The following AKAP19 variants were observed in gnomAD, a reference collection of about 807,000 sequenced individuals.
The protein encoded by AKAP19 is A-kinase anchoring protein 19.
At chr2:190,026,247 C>T in the AKAP19 span, among the ~76,000 whole-genome samples, 2 of 152,114 alleles carry the variant, frequency 1.3e-5, no homozygotes, top group African/African-American at 2.4e-5. Context: ...CACCAATCTG[C>T]CCCCCAGCTT....
At chr2:190,005,012 G>T in the AKAP19 span, among the ~76,000 whole-genome samples, 3 of 152,098 alleles carry the variant, frequency 2.0e-5, no homozygotes, top group East Asian at 5.8e-4. Context: ...TCTTAAAGAT[G>T]GTGTGTCCAG....
chr2:190,167,616 G>A, the AKAP19 span, among the ~76,000 whole-genome samples: 8 of 152,312 alleles, frequency 5.3e-5, no homozygotes, highest in Admixed American at 2.6e-4. Context: ...GAGGGTAAAG[G>A]CACTGGGTAA....
the AKAP19 span, among the ~76,000 whole-genome samples, chr2:190,185,411 C>T: frequency 6.6e-6 from 1 of 152,158 alleles, no homozygotes; most frequent in Admixed American, 6.5e-5. Context: ...GAATTTGGGG[C>T]TTATCTACCA....
the AKAP19 span, among the ~76,000 whole-genome samples, chr2:190,141,188 T>C: frequency 0.15 from 22,479 of 152,218 alleles, 1,854 homozygotes; most frequent in Middle Eastern, 0.19. Context: ...CATCTTCCTG[T>C]CTTCTGAGCC....
the AKAP19 span, among the ~76,000 whole-genome samples, chr2:190,076,606 T>C: frequency 7.1e-6 from 1 of 141,524 alleles, no homozygotes; most frequent in Non-Finnish European, 1.5e-5. Context: ...AAAGATATTA[T>C]TTGTATTTCA....
chr2:190,014,401 C>T, the AKAP19 span, among the ~76,000 whole-genome samples: 1 of 152,194 alleles, frequency 6.6e-6, no homozygotes, highest in South Asian at 2.1e-4. Context: ...TATAAAACCA[C>T]CAGATCTCAT....
chr2:189,988,886 A>G, the AKAP19 span, among the ~76,000 whole-genome samples: 1 of 152,250 alleles, frequency 6.6e-6, no homozygotes, highest in South Asian at 2.1e-4. Context: ...CTTTTAAGAA[A>G]ATTATTTGTA....
At chr2:190,001,232 A>AT in the AKAP19 span, among the ~76,000 whole-genome samples, 1 of 151,956 alleles carries the variant, frequency 6.6e-6, no homozygotes, top group Non-Finnish European at 1.5e-5. Flanking sequence ...TCATACTTTA[A>AT]TTTTTTCTAC....
At chr2:189,960,788 C>T in the AKAP19 span, among the ~76,000 whole-genome samples, 6 of 152,180 alleles carry the variant, frequency 3.9e-5, no homozygotes, top group African/African-American at 1.4e-4. Flanking sequence ...AGTAAGGTCC[C>T]TGACCCCACC....
the AKAP19 span, among the ~76,000 whole-genome samples, chr2:189,945,625 A>G: frequency 6.6e-6 from 1 of 152,216 alleles, no homozygotes; most frequent in East Asian, 1.9e-4. Flanking sequence ...AATAGAATGA[A>G]TTTTTTAAAA....
At chr2:189,974,738 T>C in the AKAP19 span, among the ~76,000 whole-genome samples, 1 of 152,192 alleles carries the variant, frequency 6.6e-6, no homozygotes, top group Non-Finnish European at 1.5e-5. Flanking sequence ...TATGTAATGG[T>C]GTTCTTTGTC....
the AKAP19 span, among the ~76,000 whole-genome samples, chr2:189,966,791 CA>C: frequency 6.6e-6 from 1 of 152,106 alleles, no homozygotes; most frequent in Non-Finnish European, 1.5e-5. Flanking sequence ...GTGGAACGTG[CA>C]TAGAGATATA....
the AKAP19 span, among the ~76,000 whole-genome samples, chr2:190,128,990 G>T: frequency 0.063 from 9,577 of 152,192 alleles, 333 homozygotes; most frequent in Admixed American, 0.085. Flanking sequence ...ATGATATGAC[G>T]TAAGCATATA....
chr2:189,947,772 T>C, the AKAP19 span, among the ~76,000 whole-genome samples: 1 of 152,100 alleles, frequency 6.6e-6, no homozygotes, highest in Admixed American at 6.5e-5. Flanking sequence ...TGGTGATTTC[T>C]AATTCTAACC....
At chr2:190,154,246 G>A in the AKAP19 span, among the ~76,000 whole-genome samples, 917 of 152,212 alleles carry the variant, frequency 6.0e-3, 6 homozygotes, top group African/African-American at 0.021. Flanking sequence ...TTCATCTTCC[G>A]AGTTTTCAAA....
chr2:190,081,965 A>G, the AKAP19 span, among the ~76,000 whole-genome samples: 1 of 152,126 alleles, frequency 6.6e-6, no homozygotes, highest in African/African-American at 2.4e-5. Context: ...CTAAATAGAA[A>G]CCAGCCCTTT....
the AKAP19 span, among the ~76,000 whole-genome samples, chr2:189,929,561 T>G: frequency 6.6e-6 from 1 of 152,186 alleles, no homozygotes; most frequent in African/African-American, 2.4e-5. Flanking sequence ...TGACACTTTT[T>G]TTTTTTAATA....
chr2:190,043,726 T>C, the AKAP19 span, among the ~76,000 whole-genome samples: 1 of 152,198 alleles, frequency 6.6e-6, no homozygotes, highest in Admixed American at 6.5e-5. Context: ...AGAACTCTTG[T>C]TGGAGAACTG....
chr2:189,987,970 G>C, the AKAP19 span, among the ~76,000 whole-genome samples: 1 of 151,838 alleles, frequency 6.6e-6, no homozygotes, highest in East Asian at 1.9e-4. Context: ...AAAACTCAGG[G>C]ATCAGAGTTT....
Sources: allele counts gnomAD v4.1 joint callset (sites outside exome capture counted in the v4.1 genomes callset), GRCh38; gene constraint gnomAD v4.1.1; transcripts MANE v1.5; gene names NCBI Gene and HGNC (gene_info 2026-07-23, HGNC 2026-07-21).